Variants in HSD17B14 observed in about 807,000 individuals in gnomAD.
HSD17B14 encodes the protein L-fucose dehydrogenase.
In HSD17B14, 32 loss-of-function variants were observed where a neutral mutation model predicts 32.2. The ratio of observed to expected loss-of-function variants is 0.99; its 90% CI spans 0.75 to 1.33. The LOEUF is 1.33. Among genes scored for constraint, HSD17B14 ranks in the 40% most tolerant of loss-of-function variants. The pLI is 0.00. For missense variants in HSD17B14, 370 were observed against 366.5 expected (o/e 1.01, Z -0.08); for synonymous variants, 140 against 155.4 (o/e 0.90, Z 0.74).
At chr19:48,836,255 C>G in intron 1 of HSD17B14, 69 bp downstream of exon 1, 39 of 1,372,900 alleles carry the variant, frequency 2.8e-5, no homozygotes, top group Non-Finnish European at 3.8e-5. Flanking sequence ...CTATTTTCCG[C>G]CCCCATCACC....
chr19:48,827,262 C>T (rs1000413451), intron 5 of HSD17B14, among the ~76,000 whole-genome samples: 1 of 151,590 alleles, frequency 6.6e-6, no homozygotes, highest in Non-Finnish European at 1.5e-5. Context: ...AGGCTGGTCT[C>T]GAACTCCTGA....
intron 5 of HSD17B14, among the ~76,000 whole-genome samples, chr19:48,816,006 G>T (rs1288574796): frequency 3.0e-5 from 4 of 135,036 alleles, no homozygotes; most frequent in Non-Finnish European, 6.1e-5. Context: ...GGGCAACAGA[G>T]CAAGACTCCG....
intron 5 of HSD17B14, among the ~76,000 whole-genome samples, chr19:48,817,152 T>G (rs1223386091): frequency 1.5e-5 from 2 of 137,916 alleles, no homozygotes; most frequent in Non-Finnish European, 3.1e-5. Context: ...TGGCCTGTCT[T>G]TATTTTTTTT....
chr19:48,822,335 ATGATGGTG>A (rs2035170199), intron 5 of HSD17B14, among the ~76,000 whole-genome samples: 1 of 72,552 alleles, frequency 1.4e-5, no homozygotes, highest in African/African-American at 5.0e-5. Context: ...GGTGATGGTG[ATGATGGTG>A]GTGATGATGG....
chr19:48,815,374 T>C (rs1315950898), intron 5 of HSD17B14, among the ~76,000 whole-genome samples: 34 of 152,148 alleles, frequency 2.2e-4, no homozygotes, highest in Non-Finnish European at 7.4e-5. Context: ...GGGATTTCTC[T>C]CTCTTCTCCT....
intron 2 of HSD17B14, 27 bp downstream of exon 2, chr19:48,835,778 G>A: frequency 6.2e-7 from 1 of 1,613,064 alleles, no homozygotes; most frequent in Non-Finnish European, 8.5e-7. Flanking sequence ...GAAGGGCCAA[G>A]GTGAGGGCTG....
Position 48,835,829 on chromosome 19 carries a change from G to A in HSD17B14, c.103C>T (p.Arg35Ter), listed in dbSNP as rs11547570. The stretch of plus-strand genomic sequence containing the variant: ...CCATCCTTGTCGCAGATAACCACTC[G>A]GGCCCCGCTGTTCACTGAGAATAGG... Reference protein sequence around the residue: ...IVRAFVNSGARVVICDKDESG... With the variant: ...IVRAFVNSGA Residue 35 changes from arginine (R) to a stop codon, truncating the protein, a stop_gained, in exon 2 of 9, where the codon CGA becomes TGA. Transcript: ENST00000263278. LOFTEE classifies it high-confidence loss of function. 2 of 1,613,596 alleles carry A rather than the reference G, an allele frequency of 1.2e-6. No individual in the cohort carries two copies. The highest frequency in any genetic ancestry group is 2.2e-5 in the South Asian group (2 of 91,080).
In HSD17B14 at chr19:48,836,349, G is replaced by T. The variant is rs767267075; in HGVS notation, c.63C>A (p.Ile21=). The T allele has an allele frequency of 2.5e-6, 4 of 1,612,278 alleles. No homozygotes were observed. In the South Asian group the frequency reaches 4.4e-5, roughly 18 times the overall value. ...CGAAGGCGCGCACGATCCCAGCTCC[G>T]ATGCCGCGCCCGCCCCCGGTCACGA... ...VVVVTGGGRG[I]GAGIVRAFVN... The change falls in exon 1 of 9, where the codon ATC becomes ATA. Residue 21 remains isoleucine, a synonymous_variant. Transcript: ENST00000263278.
chr19:48,815,827 G>T (rs924942390), intron 5 of HSD17B14, among the ~76,000 whole-genome samples: 10 of 152,064 alleles, frequency 6.6e-5, no homozygotes, highest in African/African-American at 2.4e-4. Flanking sequence ...TTTGAGACCA[G>T]CCTGGCCAAC....
intron 5 of HSD17B14, among the ~76,000 whole-genome samples, chr19:48,826,544 C>CTATATAT: frequency 2.0e-5 from 1 of 49,966 alleles, no homozygotes; most frequent in East Asian, 9.4e-4. Flanking sequence ...TATATATATA[C>CTATATAT]ACACACACAC....
At chr19:48,827,851 T>C (rs2035276446) in intron 5 of HSD17B14, among the ~76,000 whole-genome samples, 1 of 137,504 alleles carries the variant, frequency 7.3e-6, no homozygotes, top group Admixed American at 7.1e-5. Context: ...CTCCTTCCTT[T>C]TTTTTTTCTT....
intron 5 of HSD17B14, among the ~76,000 whole-genome samples, chr19:48,826,512 T>A (rs1034938138): frequency 0.01 from 324 of 31,498 alleles, no homozygotes; most frequent in African/African-American, 0.015. Flanking sequence ...AAAAAAAAAG[T>A]AAAAGAAAAG....
intron 5 of HSD17B14, among the ~76,000 whole-genome samples, chr19:48,819,067 CA>C (rs2035103539): frequency 6.6e-6 from 1 of 152,174 alleles, no homozygotes; most frequent in African/African-American, 2.4e-5. Flanking sequence ...CGGCTCACTG[CA>C]ACCTCCACCT....
chr19:48,813,877 C>CT (rs1200381318), intron 6 of HSD17B14, 147 bp from the exon 7 acceptor site: 39 of 829,036 alleles, frequency 4.7e-5, no homozygotes, highest in Middle Eastern at 5.7e-4. Flanking sequence ...GGCTTGGTTT[C>CT]TTGGGAGAAA....
intron 1 of HSD17B14, 29 bp from the exon 2 acceptor site, chr19:48,835,872 T>C: frequency 6.2e-7 from 1 of 1,611,994 alleles, no homozygotes; most frequent in Non-Finnish European, 8.5e-7. Flanking sequence ...CAGGTTACTC[T>C]CCGAGCCTTG....
At chr19:48,833,499 C>T (rs1054165824) in intron 3 of HSD17B14, among the ~76,000 whole-genome samples, 3 of 151,924 alleles carry the variant, frequency 2.0e-5, no homozygotes, top group African/African-American at 4.8e-5. Flanking sequence ...CGAGACCAGC[C>T]TGGCCAACAT....
rs1010596934 is a variant in HSD17B14 at position 48,836,367 on chromosome 19, G to A, written c.45C>T (p.Thr15=). ...CAGCTCCGATGCCGCGCCCGCCCCC[G>A]GTCACGACCACCACCTTCCCGGCAT... is the stretch of plus-strand genomic sequence containing the variant. ...TRYAGKVVVV[T]GGGRGIGAGI... The change falls in exon 1 of 9, where the codon ACC becomes ACT. Residue 15 remains threonine, a synonymous_variant. Coordinates refer to ENST00000263278, the MANE Select transcript of HSD17B14 (RefSeq NM_016246.3). The A allele has an allele frequency of 9.9e-6, 16 of 1,612,100 alleles. No individual in the cohort carries two copies. The highest frequency in any genetic ancestry group is 1.3e-5 in the Non-Finnish European group (15 of 1,179,404).
At chr19:48,815,359 G>A (rs1276455907) in intron 5 of HSD17B14, among the ~76,000 whole-genome samples, 1 of 152,052 alleles carries the variant, frequency 6.6e-6, no homozygotes, top group African/African-American at 2.4e-5. Context: ...TCTCCTTGGT[G>A]GGAAGGGATT....
chr19:48,818,316 AAGAAAAAAG>A (rs1568518132), intron 5 of HSD17B14, among the ~76,000 whole-genome samples: 10 of 88,304 alleles, frequency 1.1e-4, no homozygotes, highest in Non-Finnish European at 1.5e-4. Flanking sequence ...CTCAAAAAAA[AAGAAAAAAG>A]AAAAAAGAAA....
Sources: allele counts gnomAD v4.1 joint callset (sites outside exome capture counted in the v4.1 genomes callset), GRCh38; gene constraint gnomAD v4.1.1; transcripts MANE v1.5; gene names NCBI Gene and HGNC (gene_info 2026-07-23, HGNC 2026-07-21).